IRAG1: variants seen among roughly 807,000 people sequenced by gnomAD.
IRAG1 encodes the protein inositol 1,4,5-triphosphate receptor associated 1.
IRAG1 carries 62 observed loss-of-function variants against 106.2 expected under a neutral mutation model. The ratio of observed to expected loss-of-function variants is 0.58; its 90% CI spans 0.48 to 0.72. The LOEUF is 0.72. Ranked by LOEUF, IRAG1 falls within the 30% of genes least tolerant of loss-of-function variation. The pLI, the probability that IRAG1 is intolerant of heterozygous loss-of-function variation, is 0.00. For synonymous variants in IRAG1, 462 were observed against 443.9 expected (o/e 1.04, Z -0.51); for missense variants, 1,064 against 1,140.7 (o/e 0.93, Z 0.97).
chr11:10,592,279 A>T (rs1448442584), intron 17 of IRAG1, among the ~76,000 whole-genome samples: 1 of 152,200 alleles, frequency 6.6e-6, no homozygotes, highest in Non-Finnish European at 1.5e-5. Flanking sequence ...TTTTTAATCT[A>T]TGGCCCTGAT....
At chr11:10,586,448 C>G (rs531069757) in intron 18 of IRAG1, among the ~76,000 whole-genome samples, 3 of 150,262 alleles carry the variant, frequency 2.0e-5, no homozygotes, top group Non-Finnish European at 4.4e-5. Context: ...GACAGGGTCC[C>G]GCTCTGTCAC....
chr11:10,645,368 T>G (rs1260264886), intron 2 of IRAG1, among the ~76,000 whole-genome samples: 1 of 152,202 alleles, frequency 6.6e-6, no homozygotes. Context: ...ATTTCCCTAT[T>G]ATGTGATTTT....
chr11:10,588,827 C>T (rs1033079660), intron 18 of IRAG1, among the ~76,000 whole-genome samples: 5 of 152,204 alleles, frequency 3.3e-5, no homozygotes, highest in Non-Finnish European at 7.3e-5. Context: ...GTCTTTCCCG[C>T]TAGACTGCAA....
intron 16 of IRAG1, 121 bp from the exon 17 acceptor site, chr11:10,593,720 T>A: frequency 1.3e-6 from 1 of 783,562 alleles, no homozygotes; most frequent in Non-Finnish European, 2.0e-6. Context: ...GATATTTTGG[T>A]TTTGCAGTAG....
intron 1 of IRAG1, among the ~76,000 whole-genome samples, chr11:10,680,534 A>AGAAAGGAAGGAAGG (rs1564942945): frequency 9.2e-5 from 13 of 141,344 alleles, no homozygotes; most frequent in African/African-American, 3.5e-4. Flanking sequence ...AAAGGAAGGA[A>AGAAAGGAAGGAAGG]GGAAGGGGAA....
chr11:10,664,360 G>C (rs975662209), intron 1 of IRAG1, among the ~76,000 whole-genome samples: 27 of 152,198 alleles, frequency 1.8e-4, no homozygotes, highest in African/African-American at 5.1e-4. Context: ...CAATAACCTT[G>C]GGCTGGGCTG....
At chr11:10,590,980 A>G (rs1279215170) in intron 18 of IRAG1, among the ~76,000 whole-genome samples, 1 of 152,188 alleles carries the variant, frequency 6.6e-6, no homozygotes, top group African/African-American at 2.4e-5. Flanking sequence ...ACTTCCTTCC[A>G]GATTTGTCAA....
At chr11:10,600,486 A>G (rs1853869867) in intron 15 of IRAG1, among the ~76,000 whole-genome samples, 1 of 152,224 alleles carries the variant, frequency 6.6e-6, no homozygotes. Context: ...ATATATGATC[A>G]AGTCATTTTC....
At position 10,628,814 on chromosome 11, in the gene IRAG1, G is replaced by C. The variant is rs1856472353; in HGVS notation, c.589C>G (p.Leu197Val). Reference protein sequence around the residue: ...GDSPSAVSPNLSPSASPTSSR... With the variant: ...GDSPSAVSPNVSPSASPTSSR... ...GATGTAGGAGAAGCGCTGGGGCTGA[G>C]GTTCGGGGAAACAGCTGTGAAGACA... Residue 197 changes from leucine (L) to valine (V), a missense_variant, in exon 6 of 21, where the codon CTC becomes GTC. By Grantham distance (32) the Leu-to-Val change is conservative. Coordinates refer to ENST00000423302, the MANE Select transcript of IRAG1 (RefSeq NM_130385.4). The surrounding 1 kb of genome is among the most constrained non-coding windows in gnomAD (Gnocchi z 4.1). 1.3e-6 allele frequency: 2 copies of C among 1,580,798 alleles called. No homozygotes were observed. The highest frequency in any genetic ancestry group is 1.8e-5 in the Admixed American group (1 of 54,612).
Position 10,626,184 on chromosome 11 carries a change from CAGTG to C in IRAG1, c.1146_1149del (p.Thr383CysfsTer68). The C allele has an allele frequency of 6.4e-7, 1 of 1,559,998 alleles. No individual in the cohort carries two copies. Among genetic ancestry groups the C allele is most frequent in the Non-Finnish European group, 8.7e-7 (1 of 1,151,300 alleles). ...CCTCGCAGCAGCGGGGGCCGGGACA[CAGTG>C]GGTGGAAGCTCAGCTTTGGAGCCAG... On this transcript the variant is annotated frameshift_variant, in exon 9 of 21. Transcript: ENST00000423302. LOFTEE classifies it high-confidence loss of function.
chr11:10,683,186 T>A (rs7482037), intron 1 of IRAG1, among the ~76,000 whole-genome samples: 68,768 of 152,006 alleles, frequency 0.45, 16,819 homozygotes, highest in East Asian at 0.82. Context: ...AGCTGTTGTA[T>A]GGGGAATTCT....
chr11:10,658,068 T>TTGCTCTCA (rs1375539298), intron 1 of IRAG1, among the ~76,000 whole-genome samples: 7 of 152,240 alleles, frequency 4.6e-5, no homozygotes, highest in Non-Finnish European at 7.3e-5. Flanking sequence ...GTCATTGTTC[T>TTGCTCTCA]TGCTCTCATG....
intron 5 of IRAG1, among the ~76,000 whole-genome samples, 198 bp downstream of exon 5, chr11:10,629,340 G>A (rs1856514035): frequency 6.6e-6 from 1 of 152,152 alleles, no homozygotes; most frequent in Non-Finnish European, 1.5e-5. Context: ...CTTCCCCAGA[G>A]GGCCTAGGAT....
At chr11:10,668,822 A>T (rs1859992312) in intron 1 of IRAG1, among the ~76,000 whole-genome samples, 1 of 152,208 alleles carries the variant, frequency 6.6e-6, no homozygotes. Context: ...TGAAGTGAAT[A>T]ATTCTTTAAC....
At chr11:10,619,698 C>A (rs547337838) in intron 10 of IRAG1, among the ~76,000 whole-genome samples, 1 of 152,270 alleles carries the variant, frequency 6.6e-6, no homozygotes, top group South Asian at 2.1e-4. Flanking sequence ...AACATTACAG[C>A]AGCTTAGTGA....
At chr11:10,639,575 T>A (rs1037471812) in intron 2 of IRAG1, among the ~76,000 whole-genome samples, 1 of 152,126 alleles carries the variant, frequency 6.6e-6, no homozygotes. Flanking sequence ...AAATCTTCAC[T>A]CCCATCCTGA....
At chr11:10,687,537 G>T in intron 1 of IRAG1, 1 of 577,706 alleles carries the variant, frequency 1.7e-6, no homozygotes, top group Non-Finnish European at 2.4e-6. Context: ...TCCAACACCA[G>T]CTTCATCAGT....
In IRAG1 at chr11:10,608,100, C is replaced by A. The variant is rs1481419293; in HGVS notation, c.1572-1328G>T. ...TTCTGCTTTTTTGCTGTAGAACACA[C>A]CCACCTTATTTTTATTTTATTTATT... On this transcript the variant is annotated intron_variant, in intron 11 of 20. Coordinates refer to ENST00000423302, the MANE Select transcript of IRAG1 (RefSeq NM_130385.4). Among the ~76,000 whole-genome samples the A allele has an allele frequency of 2.0e-5, 3 of 152,060 alleles. No individual in the cohort carries two copies. In the South Asian group the frequency reaches 6.2e-4, roughly 32 times the overall value.
At chr11:10,605,394 G>A (rs1047088682) in intron 12 of IRAG1, among the ~76,000 whole-genome samples, 1 of 152,192 alleles carries the variant, frequency 6.6e-6, no homozygotes, top group African/African-American at 2.4e-5. Context: ...CAGAAGAATT[G>A]AAGGTACAGA....
Sources: gnomAD v4.1 joint callset for allele counts (sites outside exome capture counted in the v4.1 genomes callset) on GRCh38, gnomAD v4.1.1 for gene constraint, Gnocchi (gnomAD v3.1) non-coding constraint, MANE v1.5 for transcripts, NCBI Gene and HGNC (gene_info 2026-07-23, HGNC 2026-07-21) for gene names.